DLG2: variants seen among roughly 807,000 people sequenced by gnomAD.
DLG2 encodes the protein disks large homolog 2.
A neutral mutation model predicts 132.5 loss-of-function variants in DLG2; 45 were observed. The ratio of observed to expected loss-of-function variants is 0.34; its 90% CI spans 0.27 to 0.44. DLG2 has a LOEUF of 0.44. Ranked by LOEUF, DLG2 falls within the 20% of genes least tolerant of loss-of-function variation. The pLI is 1.00. For synonymous variants in DLG2, 424 were observed against 419.6 expected, an observed-to-expected ratio of 1.01 and a Z score of -0.13; for missense variants, 1,045 against 1,196.9, an observed-to-expected ratio of 0.87 and a Z score of 1.87.
chr11:84,339,279 T>C (rs1362848177), intron 7 of DLG2, among the ~76,000 whole-genome samples: 1 of 152,202 alleles, frequency 6.6e-6, no homozygotes, highest in African/African-American at 2.4e-5. Flanking sequence ...CCTACACTTA[T>C]GAAGCATTAA....
In DLG2 at chr11:84,441,132, A is replaced by AATTATTATTATTATTATTATT. The variant is rs57445306; in HGVS notation, c.519+93417_519+93437dup. ...CTTTGGCTAATGTCTGATGTTAGTA[A>AATTATTATTATTATTATTATT]ATTATTATTATTATTATTATTATTA... On this transcript the variant is annotated intron_variant, in intron 7 of 27. Coordinates refer to ENST00000376104, the MANE Select transcript of DLG2 (RefSeq NM_001142699.3). Among the ~76,000 whole-genome samples the AATTATTATTATTATTATTATT allele has an allele frequency of 2.7e-3, 406 of 148,598 alleles. 2 individuals are homozygous for AATTATTATTATTATTATTATT. The highest frequency in any genetic ancestry group is 9.4e-3 in the African/African-American group (377 of 39,946).
At chr11:85,512,398 G>C (rs1398493094) in intron 3 of DLG2, among the ~76,000 whole-genome samples, 2 of 151,984 alleles carry the variant, frequency 1.3e-5, no homozygotes, top group South Asian at 2.1e-4. Flanking sequence ...TAAAACAAGG[G>C]TTGAGATATT....
intron 3 of DLG2, among the ~76,000 whole-genome samples, chr11:85,427,967 G>C (rs978497945): frequency 9.2e-5 from 14 of 152,056 alleles, no homozygotes; most frequent in Admixed American, 2.0e-4. Context: ...AAAAGGCAGA[G>C]GTTGCAATCC....
intron 6 of DLG2, among the ~76,000 whole-genome samples, chr11:85,023,406 T>G (rs900574787): frequency 3.3e-5 from 5 of 152,038 alleles, no homozygotes; most frequent in Non-Finnish European, 7.4e-5. Context: ...ACTTAAAATT[T>G]GTGTAACAGA....
In DLG2 at chr11:85,006,881, C is replaced by G. The variant is rs574982256; in HGVS notation, c.357+104780G>C. 2.0e-4 allele frequency among the ~76,000 whole-genome samples: 31 copies of G among 152,170 alleles called. 3 individuals are homozygous for G. The highest frequency in any genetic ancestry group is 7.5e-4 in the African/African-American group (31 of 41,552). On this transcript the variant is annotated intron_variant, in intron 6 of 27. Transcript: ENST00000376104. ...TGTGGGCATGTAGTGCTACAAATTT[C>G]CCTCTAAATATATTTCTATTTTCAT...
chr11:85,466,006 C>CAT (rs2092775927), intron 3 of DLG2, among the ~76,000 whole-genome samples: 2 of 151,998 alleles, frequency 1.3e-5, no homozygotes, highest in African/African-American at 4.8e-5. Context: ...TTCTAACTGG[C>CAT]GTGAGATGGT....
chr11:83,551,598 A>G (rs991625302), intron 19 of DLG2, among the ~76,000 whole-genome samples: 2 of 152,128 alleles, frequency 1.3e-5, no homozygotes, highest in Non-Finnish European at 2.9e-5. Flanking sequence ...TACTTTGCCT[A>G]TGATTTTTCA....
intron 11 of DLG2, among the ~76,000 whole-genome samples, chr11:83,999,416 G>A (rs764746638): frequency 6.6e-5 from 10 of 152,116 alleles, no homozygotes; most frequent in Non-Finnish European, 1.0e-4. Context: ...ATACCACTCA[G>A]GACCTAGAGG....
chr11:84,400,765 C>T (rs555725418), intron 7 of DLG2, among the ~76,000 whole-genome samples: 8 of 152,052 alleles, frequency 5.3e-5, no homozygotes, highest in African/African-American at 7.2e-5. Flanking sequence ...TTAGACATTG[C>T]TTTTTTTGTA....
chr11:83,627,486 A>C (rs1229346298), intron 19 of DLG2, among the ~76,000 whole-genome samples: 4 of 152,104 alleles, frequency 2.6e-5, no homozygotes, highest in Non-Finnish European at 4.4e-5. Context: ...TCCTTGCGAC[A>C]GTTTGCTCAG....
intron 3 of DLG2, among the ~76,000 whole-genome samples, chr11:85,570,121 G>T (rs2077764747): frequency 6.6e-6 from 1 of 152,004 alleles, no homozygotes; most frequent in African/African-American, 2.4e-5. Flanking sequence ...TAAAATAAAA[G>T]TTAAAATGTT....
intron 7 of DLG2, among the ~76,000 whole-genome samples, chr11:84,483,426 G>A (rs1220845425): frequency 4.0e-4 from 17 of 43,026 alleles, no homozygotes; most frequent in African/African-American, 2.0e-3. Context: ...GCCAGACTCC[G>A]CCTCAAAAAA....
At chr11:85,381,573 G>C (rs1372408962) in intron 3 of DLG2, among the ~76,000 whole-genome samples, 4 of 151,996 alleles carry the variant, frequency 2.6e-5, no homozygotes, top group Non-Finnish European at 4.4e-5. Flanking sequence ...TCTAGTTACA[G>C]GTGATATGAT....
chr11:83,795,678 A>G (rs900829052), intron 17 of DLG2, among the ~76,000 whole-genome samples: 4 of 152,074 alleles, frequency 2.6e-5, no homozygotes, highest in African/African-American at 9.7e-5. Context: ...GATGATCATT[A>G]TATTTGCTAC....
intron 19 of DLG2, among the ~76,000 whole-genome samples, chr11:83,593,388 G>A (rs369216569): frequency 0.023 from 3,486 of 151,298 alleles, 102 homozygotes; most frequent in African/African-American, 0.061. Flanking sequence ...GTAAACTATC[G>A]CAAGAACAAA....
intron 2 of DLG2, among the ~76,000 whole-genome samples, chr11:85,615,279 G>A (rs1448607806): frequency 1.3e-5 from 2 of 152,172 alleles, no homozygotes; most frequent in Admixed American, 1.3e-4. Context: ...CATTTTGGGA[G>A]GCCGAGGCAG....
At chr11:85,263,881 T>C (rs187653625) in intron 4 of DLG2, among the ~76,000 whole-genome samples, 1 of 152,178 alleles carries the variant, frequency 6.6e-6, no homozygotes, top group East Asian at 1.9e-4. Context: ...ATTGAAACAA[T>C]AGTGAGTTAA....
intron 6 of DLG2, among the ~76,000 whole-genome samples, chr11:84,724,222 A>C (rs1276702523): frequency 1.3e-5 from 2 of 152,170 alleles, no homozygotes; most frequent in African/African-American, 2.4e-5. Flanking sequence ...TAGGTATACT[A>C]GATTATTTCT....
chr11:83,786,633 G>C, intron 18 of DLG2, 57 bp downstream of exon 18: 1 of 1,427,882 alleles, frequency 7.0e-7, no homozygotes. Context: ...TTAGTAATGA[G>C]GGTACAGATC....
Sources: allele counts gnomAD v4.1 joint callset (sites outside exome capture counted in the v4.1 genomes callset), GRCh38; gene constraint gnomAD v4.1.1; transcripts MANE v1.5; gene names NCBI Gene and HGNC (gene_info 2026-07-23, HGNC 2026-07-21).